Variants in SPAG16 observed in about 807,000 individuals in gnomAD.
SPAG16 encodes the protein sperm-associated antigen 16 protein.
SPAG16 carries 86 observed loss-of-function variants against 80.4 expected under a neutral mutation model. That is an observed-to-expected ratio of 1.07 (90% CI 0.90 to 1.28). The LOEUF (loss-of-function observed/expected upper bound fraction) is 1.28, where lower values mean the gene tolerates loss of function less well. Ranked by LOEUF, SPAG16 falls within the 50% of genes most tolerant of loss-of-function variation. The probability of loss-of-function intolerance (pLI) is 0.00; values close to 1 mark genes in which losing one functional copy is unlikely to be tolerated. For synonymous variants in SPAG16, 294 were observed against 265.9 expected (o/e 1.11, Z -1.03); for missense variants, 870 against 765.3 (o/e 1.14, Z -1.61).
chr2:213,678,699 G>T (rs963488347), intron 10 of SPAG16, among the ~76,000 whole-genome samples: 8 of 152,056 alleles, frequency 5.3e-5, no homozygotes, highest in African/African-American at 1.9e-4. Context: ...TCACTTCCTG[G>T]CAGTGCCCAG....
intron 4 of SPAG16, among the ~76,000 whole-genome samples, chr2:213,316,637 G>C (rs1174970523): frequency 6.6e-6 from 1 of 152,048 alleles, no homozygotes; most frequent in Non-Finnish European, 1.5e-5. Flanking sequence ...TACCCTGGCT[G>C]TTTGTTCTTT....
At chr2:213,811,148 A>C (rs1225887881) in intron 10 of SPAG16, among the ~76,000 whole-genome samples, 1 of 152,154 alleles carries the variant, frequency 6.6e-6, no homozygotes, top group Non-Finnish European at 1.5e-5. Flanking sequence ...CAGTTTTTAC[A>C]CTTCTGCTTA....
At chr2:214,331,962 C>T (rs1696947013) in intron 15 of SPAG16, among the ~76,000 whole-genome samples, 1 of 152,166 alleles carries the variant, frequency 6.6e-6, no homozygotes, top group South Asian at 2.1e-4. Flanking sequence ...TCTAATAAAA[C>T]AATTTTGGGA....
In SPAG16 at chr2:213,340,248, AAATT is replaced by A. The variant is rs764382518; in HGVS notation, c.630_633del (p.Ile210MetfsTer6). On this transcript the variant is annotated frameshift_variant, in exon 6 of 16. Transcript: ENST00000331683. LOFTEE classifies it high-confidence loss of function. The stretch of plus-strand genomic sequence containing the variant: ...TAAGCGAATAGTCCAGGAAAAAAAC[AAATT>A]AATTAATGACCTCAAAGGGTAAGCT... 5 of 1,607,934 alleles carry A rather than the reference AAATT, an allele frequency of 3.1e-6. No individual in the cohort carries two copies. The highest frequency in any genetic ancestry group is 4.3e-6 in the Non-Finnish European group (5 of 1,175,536).
intron 9 of SPAG16, among the ~76,000 whole-genome samples, chr2:213,380,911 T>G (rs1183499485): frequency 6.6e-6 from 1 of 152,128 alleles, no homozygotes; most frequent in Non-Finnish European, 1.5e-5. Context: ...TGGGCCAGAG[T>G]TACCTACCCC....
intron 13 of SPAG16, among the ~76,000 whole-genome samples, chr2:214,040,845 T>C (rs1223132401): frequency 6.6e-6 from 1 of 152,188 alleles, no homozygotes; most frequent in Non-Finnish European, 1.5e-5. Flanking sequence ...TTTTCTCTGC[T>C]ACTCATTGAG....
At chr2:213,382,768 C>A (rs2067235916) in intron 9 of SPAG16, among the ~76,000 whole-genome samples, 1 of 152,204 alleles carries the variant, frequency 6.6e-6, no homozygotes, top group Non-Finnish European at 1.5e-5. Context: ...TTGCCACTTC[C>A]TGCTCATCAG....
chr2:214,385,541 C>CTTTG (rs1407560474), intron 15 of SPAG16, among the ~76,000 whole-genome samples: 1 of 152,060 alleles, frequency 6.6e-6, no homozygotes, highest in African/African-American at 2.4e-5. Flanking sequence ...AGGGTTATAT[C>CTTTG]TTTGTTTTAT....
At chr2:213,515,008 C>A (rs2075369271) in intron 10 of SPAG16, among the ~76,000 whole-genome samples, 1 of 151,970 alleles carries the variant, frequency 6.6e-6, no homozygotes, top group African/African-American at 2.4e-5. Context: ...CTCTTGATAA[C>A]CATATTCAAA....
intron 10 of SPAG16, among the ~76,000 whole-genome samples, chr2:213,688,493 A>G (rs1986978): frequency 0.42 from 63,597 of 152,042 alleles, 14,173 homozygotes; most frequent in African/African-American, 0.56. Flanking sequence ...AATGTTACAC[A>G]TAAAATATTT....
chr2:213,745,378 G>A (rs2125468020), intron 10 of SPAG16, among the ~76,000 whole-genome samples: 1 of 152,222 alleles, frequency 6.6e-6, no homozygotes, highest in African/African-American at 2.4e-5. Flanking sequence ...GAGTAGCTGG[G>A]ATTACAGGTG....
chr2:214,203,644 A>G (rs576706211), intron 15 of SPAG16, among the ~76,000 whole-genome samples: 76 of 152,298 alleles, frequency 5.0e-4, no homozygotes, highest in African/African-American at 1.8e-3. Flanking sequence ...TGGGAATAGA[A>G]GAAGCAGTGG....
intron 9 of SPAG16, among the ~76,000 whole-genome samples, chr2:213,468,573 CTATG>C (rs1477810683): frequency 3.1e-5 from 4 of 131,074 alleles, no homozygotes; most frequent in Non-Finnish European, 4.8e-5. Flanking sequence ...ATATATATAT[CTATG>C]TATTTATATA....
intron 10 of SPAG16, among the ~76,000 whole-genome samples, chr2:213,556,697 A>T (rs578224003): frequency 3.9e-5 from 6 of 152,280 alleles, no homozygotes; most frequent in South Asian, 4.1e-4. Flanking sequence ...AGACTAGAAA[A>T]ATAATAAGGA....
intron 15 of SPAG16, among the ~76,000 whole-genome samples, chr2:214,366,621 G>A (rs1438662347): frequency 6.6e-6 from 1 of 152,038 alleles, no homozygotes; most frequent in South Asian, 2.1e-4. Flanking sequence ...TAAGATCTGT[G>A]CATTATATCA....
intron 10 of SPAG16, among the ~76,000 whole-genome samples, chr2:213,740,612 C>T (rs1380459599): frequency 1.3e-5 from 2 of 152,218 alleles, no homozygotes; most frequent in East Asian, 3.8e-4. Context: ...CCCGTATCAG[C>T]AAGGCATCAT....
chr2:213,666,339 C>T (rs916301758), intron 10 of SPAG16, among the ~76,000 whole-genome samples: 13 of 151,980 alleles, frequency 8.6e-5, no homozygotes, highest in African/African-American at 2.9e-4. Context: ...ACTATCATTC[C>T]CCCCTTTTCA....
chr2:214,218,092 A>C (rs1316457622), intron 15 of SPAG16, among the ~76,000 whole-genome samples: 2 of 152,234 alleles, frequency 1.3e-5, no homozygotes, highest in Non-Finnish European at 2.9e-5. Flanking sequence ...AAAACAACAA[A>C]TAAAGAGAGA....
chr2:214,041,962 TTG>T (rs200282521), intron 13 of SPAG16, among the ~76,000 whole-genome samples: 22,473 of 122,976 alleles, frequency 0.18, 2,608 homozygotes, highest in Middle Eastern at 0.26. Flanking sequence ...GTGTATATAT[TTG>T]TGTGTCTGTG....
Sources: gnomAD v4.1 joint callset for allele counts (sites outside exome capture counted in the v4.1 genomes callset) on GRCh38, gnomAD v4.1.1 for gene constraint, MANE v1.5 for transcripts, NCBI Gene and HGNC (gene_info 2026-07-23, HGNC 2026-07-21) for gene names.